Variants in FBXL13 observed in about 807,000 individuals in gnomAD.
FBXL13 encodes F-box and leucine rich repeat protein 13.
FBXL13 carries 67 observed loss-of-function variants against 83.6 expected under a neutral mutation model. The ratio of observed to expected loss-of-function variants is 0.80; its 90% confidence interval spans 0.66 to 0.98. The LOEUF (loss-of-function observed/expected upper bound fraction) is 0.98. Among genes scored for constraint, FBXL13 ranks in the 50% least tolerant of loss-of-function variants. The pLI is 0.00. For missense variants in FBXL13, 822 were observed against 866.5 expected (o/e 0.95, Z 0.64); for synonymous variants, 272 against 299.5 (o/e 0.91, Z 0.95).
chr7:102,843,507 G>A (rs938916211), intron 17 of FBXL13, among the ~76,000 whole-genome samples: 2 of 152,248 alleles, frequency 1.3e-5, no homozygotes, highest in South Asian at 4.2e-4. Context: ...GGGTACGGTG[G>A]CTCACGTCTG....
intron 10 of FBXL13, among the ~76,000 whole-genome samples, chr7:102,923,573 A>G (rs1817506397): frequency 1.3e-5 from 2 of 152,206 alleles, no homozygotes; most frequent in African/African-American, 4.8e-5. Context: ...TTGTAATCCC[A>G]GCACTTTGGG....
chr7:102,835,273 G>A (rs951623738), intron 17 of FBXL13, among the ~76,000 whole-genome samples: 16 of 152,204 alleles, frequency 1.1e-4, no homozygotes, highest in African/African-American at 3.6e-4. Context: ...AGAAGGGGCA[G>A]CTTGTCAGGA....
intron 2 of FBXL13, among the ~76,000 whole-genome samples, chr7:103,046,274 T>C (rs1049611608): frequency 2.6e-5 from 4 of 152,246 alleles, no homozygotes; most frequent in Non-Finnish European, 4.4e-5. Flanking sequence ...AATTATATTA[T>C]TTAGCATAAC....
chr7:102,913,060 A>G (rs756139180), intron 11 of FBXL13, 26 bp downstream of exon 12: 1 of 1,614,018 alleles, frequency 6.2e-7, no homozygotes, highest in Non-Finnish European at 8.5e-7. Flanking sequence ...CACACACCGC[A>G]GCAAAGAGAA....
At chr7:102,866,661 T>C (rs756442021) in intron 16 of FBXL13, among the ~76,000 whole-genome samples, 2 of 152,196 alleles carry the variant, frequency 1.3e-5, no homozygotes, top group African/African-American at 4.8e-5. Flanking sequence ...TCCATGCAGA[T>C]GGGTGGTCTC....
chr7:102,952,601 A>T (rs1823587537), intron 8 of FBXL13, among the ~76,000 whole-genome samples: 1 of 152,222 alleles, frequency 6.6e-6, no homozygotes, highest in South Asian at 2.1e-4. Context: ...AATGCCTAGA[A>T]ACACATGAAC....
At chr7:102,967,369 C>A (rs1826089826) in intron 7 of FBXL13, among the ~76,000 whole-genome samples, 1 of 151,826 alleles carries the variant, frequency 6.6e-6, no homozygotes, top group South Asian at 2.1e-4. Flanking sequence ...ACCTCCCAGG[C>A]TCAAGCAATT....
intron 16 of FBXL13, among the ~76,000 whole-genome samples, chr7:102,864,495 A>G (rs1203416300): frequency 1.3e-5 from 2 of 152,006 alleles, no homozygotes; most frequent in African/African-American, 4.8e-5. Flanking sequence ...CAGCCTCCCA[A>G]ATAGCTGTGA....
At chr7:102,952,692 C>T (rs536188581) in intron 8 of FBXL13, among the ~76,000 whole-genome samples, 2 of 152,120 alleles carry the variant, frequency 1.3e-5, no homozygotes, top group South Asian at 2.1e-4. Flanking sequence ...AATCAAAAAA[C>T]CTCCAACAAG....
intron 17 of FBXL13, among the ~76,000 whole-genome samples, chr7:102,838,478 T>C (rs1802388062): frequency 6.6e-6 from 1 of 151,678 alleles, no homozygotes; most frequent in Non-Finnish European, 1.5e-5. Context: ...TGAGACAGAG[T>C]GTCACTCTGT....
At chr7:102,954,095 C>G (rs1823856052) in intron 8 of FBXL13, among the ~76,000 whole-genome samples, 1 of 152,116 alleles carries the variant, frequency 6.6e-6, no homozygotes, top group Admixed American at 6.5e-5. Context: ...GTGGGTGCAG[C>G]CCACACAGGA....
intron 6 of FBXL13, among the ~76,000 whole-genome samples, chr7:103,000,634 C>T (rs1479809975): frequency 6.6e-6 from 1 of 152,116 alleles, no homozygotes; most frequent in Non-Finnish European, 1.5e-5. Context: ...CTCCAATGTT[C>T]CTTTGTTGAT....
intron 2 of FBXL13, among the ~76,000 whole-genome samples, chr7:103,037,881 C>T (rs1044299844): frequency 6.6e-6 from 1 of 151,990 alleles, no homozygotes; most frequent in Non-Finnish European, 1.5e-5. Context: ...CCAGCGAGAT[C>T]CACGCAGAAG....
chr7:103,045,138 G>C (rs76352118), intron 2 of FBXL13, among the ~76,000 whole-genome samples: 9,294 of 152,278 alleles, frequency 0.061, 502 homozygotes, highest in East Asian at 0.28. Flanking sequence ...GCAGAAATTG[G>C]AAGTGAGGTA....
intron 6 of FBXL13, among the ~76,000 whole-genome samples, chr7:103,021,335 A>C (rs961564203): frequency 2.0e-5 from 3 of 152,236 alleles, no homozygotes; most frequent in African/African-American, 4.8e-5. Flanking sequence ...AATTAATTCA[A>C]GATGAATTAA....
rs768783148 is a variant in FBXL13, at chr7:102,931,898, CAG to C, written c.758_759del (p.Ser253Ter). 1 of 1,613,568 alleles carries C rather than the reference CAG, an allele frequency of 6.2e-7. No homozygotes were observed. The highest frequency in any genetic ancestry group is 8.5e-7 in the Non-Finnish European group (1 of 1,179,728). On this transcript the variant is annotated frameshift_variant, in exon 9 of 20. Transcript: ENST00000313221. LOFTEE classifies it high-confidence loss of function. Reference sequence around the variant, plus strand: ...ATACTCACTGTGAATGTTGGGCAGTCAGAGACATTCAACTCTTGCAAGTTCCT... The same window carrying C: ...ATACTCACTGTGAATGTTGGGCAGTCAGACATTCAACTCTTGCAAGTTCCT...
At chr7:102,844,462 G>A (rs1342462463) in intron 17 of FBXL13, among the ~76,000 whole-genome samples, 2 of 152,094 alleles carry the variant, frequency 1.3e-5, no homozygotes, top group Non-Finnish European at 2.9e-5. Flanking sequence ...GCCTGCCTGC[G>A]GCTGCCACAA....
At chr7:102,826,749 A>ATG (rs2129446489) in intron 18 of FBXL13, among the ~76,000 whole-genome samples, 1 of 103,112 alleles carries the variant, frequency 9.7e-6, no homozygotes, top group South Asian at 2.6e-4. Context: ...ATATATATAT[A>ATG]TATATATATA....
chr7:102,988,204 G>A (rs942835638), intron 6 of FBXL13: 10 of 152,246 alleles, frequency 6.6e-5, no homozygotes, highest in African/African-American at 2.2e-4. Context: ...AGTTTCCAGA[G>A]AGAATTAATG....
Sources: allele counts gnomAD v4.1 joint callset (sites outside exome capture counted in the v4.1 genomes callset), GRCh38; gene constraint gnomAD v4.1.1; transcripts MANE v1.5; gene names NCBI Gene and HGNC (gene_info 2026-07-23, HGNC 2026-07-21).